The following NKAIN2 variants were observed in gnomAD, a reference collection of about 807,000 sequenced individuals.
NKAIN2 encodes the protein sodium/potassium transporting ATPase interacting 2.
A neutral mutation model predicts 32.6 loss-of-function variants in NKAIN2; 14 were observed. The observed-to-expected ratio is 0.43, with a 90% CI of 0.28 to 0.67. The LOEUF is 0.67. Among genes scored for constraint, NKAIN2 ranks in the 30% least tolerant of loss-of-function variants. The pLI, the probability that NKAIN2 is intolerant of heterozygous loss-of-function variation, is 0.17. For missense variants in NKAIN2, 198 were observed against 258.3 expected (o/e 0.77, Z 1.60); for synonymous variants, 80 against 87.2 (o/e 0.92, Z 0.46).
intron 3 of NKAIN2, among the ~76,000 whole-genome samples, chr6:124,393,340 GA>G (rs1229934312): frequency 7.9e-6 from 1 of 127,144 alleles, no homozygotes; most frequent in African/African-American, 3.0e-5. Context: ...GTCACTTATA[GA>G]ATTTTTTTTT....
intron 3 of NKAIN2, among the ~76,000 whole-genome samples, chr6:124,632,057 A>G (rs188694793): frequency 9.2e-5 from 14 of 152,274 alleles, no homozygotes; most frequent in Non-Finnish European, 1.6e-4. Context: ...TTAAAATTAT[A>G]TCACAATATT....
rs1436672120 is a variant in NKAIN2 at position 124,515,501 on chromosome 6, A to C, written c.274-142685A>C. Among the ~76,000 whole-genome samples, 3 of 151,916 alleles carry C rather than the reference A, an allele frequency of 2.0e-5. No homozygotes were observed. The East Asian group carries it at 5.9e-4, about 30-fold the overall frequency. Reference sequence around the variant, plus strand: ...GAGAGGTGCTAGCGTCTTTTAAAAAACCAACTCTCGGATGATTCATAAGAA... The same window carrying C: ...GAGAGGTGCTAGCGTCTTTTAAAAACCCAACTCTCGGATGATTCATAAGAA... On this transcript the variant is annotated intron_variant, in intron 3 of 6. Coordinates refer to ENST00000368417, the MANE Select transcript of NKAIN2 (RefSeq NM_001040214.3).
At chr6:124,785,483 G>A (rs916397110) in intron 4 of NKAIN2, among the ~76,000 whole-genome samples, 3 of 152,024 alleles carry the variant, frequency 2.0e-5, no homozygotes, top group African/African-American at 7.2e-5. Context: ...TGGACATTTG[G>A]GGTATTATGC....
intron 2 of NKAIN2, among the ~76,000 whole-genome samples, chr6:124,284,509 C>CT (rs1157570034): frequency 1.3e-5 from 2 of 151,904 alleles, no homozygotes; most frequent in African/African-American, 4.8e-5. Context: ...ACTTACCATT[C>CT]TTTTTTTATT....
intron 3 of NKAIN2, among the ~76,000 whole-genome samples, chr6:124,621,440 A>T (rs1348949939): frequency 2.0e-5 from 3 of 152,182 alleles, no homozygotes; most frequent in Non-Finnish European, 4.4e-5. Context: ...CTTGGTTTCA[A>T]CATTGCCTCC....
chr6:124,508,309 A>G (rs1778569117), intron 3 of NKAIN2, among the ~76,000 whole-genome samples: 2 of 151,714 alleles, frequency 1.3e-5, no homozygotes, highest in Non-Finnish European at 2.9e-5. Context: ...AATTAGTCAG[A>G]GAAAATGAAA....
intron 1 of NKAIN2, among the ~76,000 whole-genome samples, chr6:124,013,446 G>A (rs1780426889): frequency 6.6e-6 from 1 of 152,100 alleles, no homozygotes; most frequent in Non-Finnish European, 1.5e-5. Context: ...TACATAGATA[G>A]GCATGTCATT....
intron 3 of NKAIN2, among the ~76,000 whole-genome samples, chr6:124,487,586 C>T (rs941828372): frequency 1.3e-5 from 2 of 152,126 alleles, no homozygotes; most frequent in East Asian, 3.9e-4. Flanking sequence ...TTTTCCGGCA[C>T]TCACAGCTGT....
At chr6:124,682,393 T>G (rs879703689) in intron 4 of NKAIN2, among the ~76,000 whole-genome samples, 1 of 152,160 alleles carries the variant, frequency 6.6e-6, no homozygotes, top group Non-Finnish European at 1.5e-5. Flanking sequence ...ATTAATCTGT[T>G]AAAACATTCA....
intron 4 of NKAIN2, among the ~76,000 whole-genome samples, chr6:124,781,870 G>A (rs1779283166): frequency 6.6e-6 from 1 of 151,978 alleles, no homozygotes; most frequent in Non-Finnish European, 1.5e-5. Flanking sequence ...TCAGTATTGT[G>A]CCTTTTAAAA....
At position 124,234,274 on chromosome 6, in the gene NKAIN2, T is replaced by G. The variant is rs964414588; in HGVS notation, c.55-48731T>G. ...ATTTATGCAATTTTTCCTAAAATAC[T>G]ATTTCTTTCACAGTCATTTCCAGGA... On this transcript the variant is annotated intron_variant, in intron 1 of 6. Transcript: ENST00000368417. Among the ~76,000 whole-genome samples, 6 of 152,196 alleles carry G rather than the reference T, an allele frequency of 3.9e-5. No homozygotes were observed. The South Asian group carries it at 1.2e-3, about 31-fold the overall frequency.
At chr6:124,104,040 T>C (rs1461495481) in intron 1 of NKAIN2, among the ~76,000 whole-genome samples, 2 of 152,022 alleles carry the variant, frequency 1.3e-5, no homozygotes, top group African/African-American at 4.8e-5. Context: ...GAGCTTGAGA[T>C]TGCGCCACTG....
At chr6:124,130,153 G>C (rs1786392699) in intron 1 of NKAIN2, among the ~76,000 whole-genome samples, 1 of 152,126 alleles carries the variant, frequency 6.6e-6, no homozygotes, top group East Asian at 1.9e-4. Context: ...GTATTTCCTA[G>C]AGGGAAACTG....
chr6:124,683,088 C>A (rs1773698083), intron 4 of NKAIN2, among the ~76,000 whole-genome samples: 1 of 152,184 alleles, frequency 6.6e-6, no homozygotes. Flanking sequence ...CCACCTTTGT[C>A]CTCAAACACA....
At chr6:124,381,048 C>A (rs552277042) in intron 3 of NKAIN2, among the ~76,000 whole-genome samples, 1 of 152,214 alleles carries the variant, frequency 6.6e-6, no homozygotes, top group South Asian at 2.1e-4. Context: ...TAGTATATTT[C>A]CCTATAAGAC....
intron 1 of NKAIN2, among the ~76,000 whole-genome samples, chr6:124,055,607 C>T (rs1204493039): frequency 1.3e-5 from 2 of 151,808 alleles, no homozygotes; most frequent in African/African-American, 4.8e-5. Flanking sequence ...GTCATGGCAG[C>T]TCTGGGTGGA....
intron 2 of NKAIN2, among the ~76,000 whole-genome samples, chr6:124,353,948 A>C (rs971924711): frequency 1.3e-5 from 2 of 152,212 alleles, no homozygotes; most frequent in Non-Finnish European, 2.9e-5. Flanking sequence ...GAACTCACCT[A>C]GAAAGGTTGG....
At chr6:123,806,963 T>C (rs772455794) in intron 1 of NKAIN2, among the ~76,000 whole-genome samples, 11 of 152,024 alleles carry the variant, frequency 7.2e-5, no homozygotes, top group Non-Finnish European at 1.3e-4. Context: ...GCTTTTGGTA[T>C]TGTGGATATG....
chr6:124,158,605 C>T (rs909273222), intron 1 of NKAIN2, among the ~76,000 whole-genome samples: 1 of 152,128 alleles, frequency 6.6e-6, no homozygotes, highest in African/African-American at 2.4e-5. Context: ...ATGACATTCA[C>T]TATTTATCCC....
Sources: allele counts gnomAD v4.1 joint callset (sites outside exome capture counted in the v4.1 genomes callset), GRCh38; gene constraint gnomAD v4.1.1; transcripts MANE v1.5; gene names NCBI Gene and HGNC (gene_info 2026-07-23, HGNC 2026-07-21).